Variants in SMCO4 observed in about 807,000 individuals in gnomAD.
The protein encoded by SMCO4 is single-pass membrane protein with coiled-coil domains 4.
In SMCO4, 4 loss-of-function variants were observed where a neutral mutation model predicts 3.6. That is an observed-to-expected ratio of 1.11 (90% CI 0.54 to 2.53). The LOEUF is 2.53. SMCO4 is among the 30% of genes most tolerant of loss of function. The pLI, the probability that SMCO4 is intolerant of heterozygous loss-of-function variation, is 0.02. For synonymous variants in SMCO4, 36 were observed against 35.3 expected, an observed-to-expected ratio of 1.02 and a Z score of -0.07; for missense variants, 70 against 80.8, an observed-to-expected ratio of 0.87 and a Z score of 0.51.
intron 1 of SMCO4, among the ~76,000 whole-genome samples, chr11:93,517,347 A>C (rs1384539394): frequency 6.6e-6 from 1 of 152,116 alleles, no homozygotes. Flanking sequence ...TTAATCAAGC[A>C]CTTAATTGAG....
In SMCO4 at chr11:93,525,269, C is replaced by T. The variant is rs527344416; in HGVS notation, c.-154+18007G>A. On this transcript the variant is annotated intron_variant, in intron 1 of 2. Transcript: ENST00000298966. ...ACTGGGTCTGTCAGCAAATTACTGC[C>T]CCACTGATTCTCAGGTCTTTTCCTC... Among the ~76,000 whole-genome samples the T allele has an allele frequency of 1.9e-3, 288 of 152,244 alleles. 1 individual carries two copies. Among genetic ancestry groups the T allele is most frequent in the Middle Eastern group, 6.8e-3 (2 of 294 alleles).
At chr11:93,495,896 G>A (rs541776169) in intron 2 of SMCO4, among the ~76,000 whole-genome samples, 6 of 152,218 alleles carry the variant, frequency 3.9e-5, no homozygotes, top group South Asian at 2.1e-4. Flanking sequence ...ATTTTATTGC[G>A]TTTGGAAAAT....
At chr11:93,550,735 A>C in the SMCO4 span, among the ~76,000 whole-genome samples, 2 of 152,116 alleles carry the variant, frequency 1.3e-5, no homozygotes, top group Admixed American at 1.3e-4. Context: ...AGAAAAAACA[A>C]AAATGGAACT....
intron 1 of SMCO4, among the ~76,000 whole-genome samples, chr11:93,526,823 CTAAGTA>C (rs1949112701): frequency 1.3e-5 from 2 of 152,116 alleles, no homozygotes; most frequent in Non-Finnish European, 2.9e-5. Flanking sequence ...AAATGGAAGC[CTAAGTA>C]TGTCTACCAC....
At position 93,479,285 on chromosome 11, in the gene SMCO4, C is replaced by A; in HGVS notation, c.-80-16G>T. On this transcript the variant is annotated splice_polypyrimidine_tract_variant and intron_variant, in intron 2 of 2. Coordinates refer to ENST00000298966, the MANE Select transcript of SMCO4 (RefSeq NM_020179.3). ...CTGGAACCTCCTGTAGAGAGAACAACTGTGATAGTAGAGAATAAACCAAAT... is the reference window on the plus strand; with the variant it reads ...CTGGAACCTCCTGTAGAGAGAACAAATGTGATAGTAGAGAATAAACCAAAT... The A allele has an allele frequency of 6.7e-7, 1 of 1,503,108 alleles. No individual in the cohort carries two copies. Among genetic ancestry groups the A allele is most frequent in the Admixed American group, 2.3e-5 (1 of 44,410 alleles). The allele number at this position is 1,503,108 out of a possible 1,614,324, so 93.1% of individuals were successfully genotyped here.
chr11:93,535,289 C>T (rs1591329828), intron 1 of SMCO4, among the ~76,000 whole-genome samples: 1 of 152,156 alleles, frequency 6.6e-6, no homozygotes, highest in Admixed American at 6.5e-5. Flanking sequence ...GGTGGCATGA[C>T]GCTTACACCA....
At chr11:93,519,846 A>C (rs774685582) in intron 1 of SMCO4, among the ~76,000 whole-genome samples, 1 of 152,224 alleles carries the variant, frequency 6.6e-6, no homozygotes, top group Non-Finnish European at 1.5e-5. Context: ...CCTTACTTGT[A>C]ATATCCCCTA....
At chr11:93,533,353 T>G (rs951531761) in intron 1 of SMCO4, among the ~76,000 whole-genome samples, 4 of 152,102 alleles carry the variant, frequency 2.6e-5, no homozygotes, top group Non-Finnish European at 5.9e-5. Flanking sequence ...CACAAGAACC[T>G]TGGGAGGAGT....
At chr11:93,514,565 C>A (rs1486666988) in intron 1 of SMCO4, among the ~76,000 whole-genome samples, 1 of 151,682 alleles carries the variant, frequency 6.6e-6, no homozygotes, top group African/African-American at 2.4e-5. Flanking sequence ...AGCTGCCTCA[C>A]GTATTACTTT....
At chr11:93,539,915 C>A (rs1408578666) in intron 1 of SMCO4, among the ~76,000 whole-genome samples, 1 of 151,544 alleles carries the variant, frequency 6.6e-6, no homozygotes, top group Non-Finnish European at 1.5e-5. Context: ...CCAGCTAGAA[C>A]CCCCTGAATT....
rs544150143 is a variant in SMCO4, at chr11:93,487,217, A to C, written c.-80-7948T>G. On this transcript the variant is annotated intron_variant, in intron 2 of 2. Transcript: ENST00000298966. ...AACGGGCCTGTGATCACTTCACTCCAGTCTGCGGCAGAGTGGGGGTAGGGG... is the reference window on the plus strand; with the variant it reads ...AACGGGCCTGTGATCACTTCACTCCCGTCTGCGGCAGAGTGGGGGTAGGGG... 3.9e-4 allele frequency among the ~76,000 whole-genome samples: 59 copies of C among 152,316 alleles called. 1 individual carries two copies. Among genetic ancestry groups the C allele is most frequent in the African/African-American group, 1.4e-3 (57 of 41,560 alleles).
At chr11:93,544,500 C>G (rs143564948), upstream of SMCO4, among the ~76,000 whole-genome samples, 664 of 152,264 alleles carry the variant, frequency 4.4e-3, 3 homozygotes, top group African/African-American at 0.015. Flanking sequence ...GGTTTTCCAC[C>G]TGGATTTCTG....
chr11:93,532,521 C>T (rs1181857038), intron 1 of SMCO4, among the ~76,000 whole-genome samples: 1 of 152,232 alleles, frequency 6.6e-6, no homozygotes, highest in East Asian at 1.9e-4. Flanking sequence ...AGCCTGCAGA[C>T]ACCCTGTCAC....
At chr11:93,553,898 G>A in the SMCO4 span, among the ~76,000 whole-genome samples, 2 of 152,196 alleles carry the variant, frequency 1.3e-5, no homozygotes, top group African/African-American at 2.4e-5. Context: ...GTTCTATCTG[G>A]TAGTTCCTCT....
chr11:93,499,023 G>A (rs1458660276), intron 2 of SMCO4, among the ~76,000 whole-genome samples: 3 of 152,116 alleles, frequency 2.0e-5, no homozygotes, highest in Non-Finnish European at 4.4e-5. Context: ...AAGGGCAAAC[G>A]AGAACACAAA....
chr11:93,519,297 T>C (rs1222623949), intron 1 of SMCO4, among the ~76,000 whole-genome samples: 3 of 152,146 alleles, frequency 2.0e-5, no homozygotes, highest in Non-Finnish European at 4.4e-5. Flanking sequence ...AAAGAAAAGT[T>C]ATCTGAAGAA....
At chr11:93,499,057 G>A (rs185925521) in intron 2 of SMCO4, among the ~76,000 whole-genome samples, 5 of 152,144 alleles carry the variant, frequency 3.3e-5, no homozygotes, top group South Asian at 4.1e-4. Context: ...AGAAAGTGTC[G>A]TGGGGGTTCA....
At chr11:93,544,247 G>C (rs905668581), upstream of SMCO4, among the ~76,000 whole-genome samples, 1 of 152,180 alleles carries the variant, frequency 6.6e-6, no homozygotes, top group African/African-American at 2.4e-5. Flanking sequence ...TATGTAAATG[G>C]TAGTTATTGT....
intron 2 of SMCO4, chr11:93,481,442 C>G: frequency 1.0e-6 from 1 of 985,398 alleles, no homozygotes; most frequent in Non-Finnish European, 1.2e-6. Flanking sequence ...TTCGCGGGAC[C>G]GTGGTGAGGA....
Sources: gnomAD v4.1 joint callset for allele counts (sites outside exome capture counted in the v4.1 genomes callset) on GRCh38, gnomAD v4.1.1 for gene constraint, MANE v1.5 for transcripts, NCBI Gene and HGNC (gene_info 2026-07-23, HGNC 2026-07-21) for gene names.